GRIA2: variants seen among roughly 807,000 people sequenced by gnomAD.
GRIA2 encodes glutamate receptor 2.
A neutral mutation model predicts 97.3 loss-of-function variants in GRIA2; 14 were observed. The observed-to-expected ratio is 0.14, with a 90% CI of 0.10 to 0.23. GRIA2 has a LOEUF of 0.23. Among genes scored for constraint, GRIA2 ranks in the 10% least tolerant of loss-of-function variants. The pLI is 1.00. For synonymous variants in GRIA2, 412 were observed against 387.8 expected, an observed-to-expected ratio of 1.06 and a Z score of -0.73; for missense variants, 558 against 1,069.8, an observed-to-expected ratio of 0.52 and a Z score of 6.67.
At chr4:157,302,541 A>C (rs1030961732) in intron 2 of GRIA2, among the ~76,000 whole-genome samples, 1 of 152,074 alleles carries the variant, frequency 6.6e-6, no homozygotes, top group African/African-American at 2.4e-5. Context: ...ATATTATTCT[A>C]TGTGTCAATC....
chr4:157,276,123 G>T (rs1445038429), intron 2 of GRIA2, among the ~76,000 whole-genome samples: 1 of 152,006 alleles, frequency 6.6e-6, no homozygotes, highest in Non-Finnish European at 1.5e-5. Flanking sequence ...TCTCTTTGAA[G>T]CAATTGTAAA....
chr4:157,271,248 C>T (rs373522055), intron 2 of GRIA2, among the ~76,000 whole-genome samples: 2 of 151,950 alleles, frequency 1.3e-5, no homozygotes, highest in African/African-American at 4.8e-5. Context: ...TAGGTGTCCT[C>T]CAATTTAATT....
intron 2 of GRIA2, among the ~76,000 whole-genome samples, chr4:157,259,460 A>G (rs1731428498): frequency 6.6e-6 from 1 of 152,104 alleles, no homozygotes; most frequent in African/African-American, 2.4e-5. Flanking sequence ...TATCCAGGCA[A>G]TTCAAGCTCC....
At chr4:157,300,659 G>A (rs557220315) in intron 2 of GRIA2, among the ~76,000 whole-genome samples, 6 of 152,284 alleles carry the variant, frequency 3.9e-5, no homozygotes, top group Non-Finnish European at 7.4e-5. Context: ...AGGATAAGAA[G>A]AGAGGGTTGA....
At chr4:157,272,150 G>A (rs1321437796) in intron 2 of GRIA2, among the ~76,000 whole-genome samples, 1 of 151,970 alleles carries the variant, frequency 6.6e-6, no homozygotes, top group Non-Finnish European at 1.5e-5. Context: ...ACCCTATGAA[G>A]TAGGTAATGT....
chr4:157,332,873 A>C lies in GRIA2; in HGVS notation c.937A>C (p.Asn313His). Residue 313 changes from asparagine (N) to histidine (H), a missense_variant, in exon 7 of 16, where the codon AAC (asparagine) becomes CAC (histidine). Coordinates refer to ENST00000264426, the MANE Select transcript of GRIA2 (RefSeq NM_001083619.3). Reference sequence around the variant, plus strand: ...TCAAGTGATGACTGAAGCCTTCCGCAACCTAAGGAAGCAAAGAATTGAAAT... The same window carrying C: ...TCAAGTGATGACTGAAGCCTTCCGCCACCTAAGGAAGCAAAGAATTGAAAT... ...AVQVMTEAFR[N>H]LRKQRIEISR... The C allele has an allele frequency of 6.2e-7, 1 of 1,612,640 alleles. No homozygotes were observed.
intron 3 of GRIA2, among the ~76,000 whole-genome samples, chr4:157,307,332 T>TAG (rs1359985475): frequency 2.0e-5 from 3 of 152,150 alleles, no homozygotes; most frequent in African/African-American, 2.4e-5. Flanking sequence ...TTTAAACAAT[T>TAG]AGAGACATGG....
At chr4:157,350,627 C>T (rs1488843226) in intron 12 of GRIA2, among the ~76,000 whole-genome samples, 1 of 151,296 alleles carries the variant, frequency 6.6e-6, no homozygotes, top group Non-Finnish European at 1.5e-5. Context: ...TACAATCACA[C>T]CATTGTCTAT....
intron 2 of GRIA2, among the ~76,000 whole-genome samples, chr4:157,273,404 G>C (rs1423917824): frequency 6.6e-6 from 1 of 151,996 alleles, no homozygotes; most frequent in Admixed American, 6.6e-5. Context: ...ACCAGAGTCA[G>C]ATATGGAAAG....
rs1736783081 is a variant in GRIA2, at chr4:157,364,350, G to T, written c.*919G>T. 6.6e-6 allele frequency: 1 copy of T among 152,328 alleles called. No individual in the cohort carries two copies. The highest frequency in any genetic ancestry group is 1.5e-5 in the Non-Finnish European group (1 of 67,922). 9.4% of individuals were successfully genotyped at this position (152,328 alleles called of 1,614,324 possible). ...TGGTCATAAATCAAGTGAGTTTAAAGACACTACCAAGTTGTTAGGTGCCCA... is the reference window on the plus strand; with the variant it reads ...TGGTCATAAATCAAGTGAGTTTAAATACACTACCAAGTTGTTAGGTGCCCA... On this transcript the variant is annotated 3_prime_UTR_variant, in exon 16 of 16. Coordinates refer to ENST00000264426, the MANE Select transcript of GRIA2 (RefSeq NM_001083619.3).
At chr4:157,242,698 G>T (rs1198421133) in intron 2 of GRIA2, among the ~76,000 whole-genome samples, 1 of 152,064 alleles carries the variant, frequency 6.6e-6, no homozygotes, top group Non-Finnish European at 1.5e-5. Context: ...AGGGGAAATT[G>T]AATTAGGTTC....
At chr4:157,313,947 A>T (rs935616835) in intron 4 of GRIA2, among the ~76,000 whole-genome samples, 1 of 152,184 alleles carries the variant, frequency 6.6e-6, no homozygotes, top group South Asian at 2.1e-4. Flanking sequence ...TGTTATTTAG[A>T]AAATCATAAG....
At chr4:157,301,770 T>A (rs1264582817) in intron 2 of GRIA2, among the ~76,000 whole-genome samples, 1 of 152,140 alleles carries the variant, frequency 6.6e-6, no homozygotes, top group East Asian at 1.9e-4. Flanking sequence ...TTTAAAAGGA[T>A]GGTAGATGTT....
chr4:157,318,101 T>A (rs1734406287), intron 5 of GRIA2, among the ~76,000 whole-genome samples: 1 of 152,132 alleles, frequency 6.6e-6, no homozygotes, highest in Non-Finnish European at 1.5e-5. Context: ...ATAAATGATA[T>A]AAGAATTTAT....
At chr4:157,327,474 A>G (rs532188783) in intron 6 of GRIA2, among the ~76,000 whole-genome samples, 111 of 152,132 alleles carry the variant, frequency 7.3e-4, no homozygotes, top group Non-Finnish European at 1.3e-3. Flanking sequence ...GAATATTAAA[A>G]CAGTCATTTT....
chr4:157,220,664 GT>G, upstream of GRIA2: 2 of 262,072 alleles, frequency 7.6e-6, no homozygotes, highest in Non-Finnish European at 1.5e-5. Flanking sequence ...GTGTGTGTGT[GT>G]GTGTGTGTGC....
chr4:157,234,541 A>T (rs1730159957), intron 2 of GRIA2, among the ~76,000 whole-genome samples: 1 of 152,148 alleles, frequency 6.6e-6, no homozygotes, highest in Admixed American at 6.6e-5. Context: ...ATGATGGTTA[A>T]CATTTAGTGT....
intron 3 of GRIA2, among the ~76,000 whole-genome samples, chr4:157,304,776 C>T (rs1733765798): frequency 2.6e-5 from 4 of 152,094 alleles, no homozygotes; most frequent in Admixed American, 2.6e-4. Context: ...CTTGTTAACC[C>T]ACAAGGGCAG....
intron 11 of GRIA2, among the ~76,000 whole-genome samples, chr4:157,339,046 A>T (rs1418364916): frequency 1.3e-5 from 2 of 151,912 alleles, no homozygotes; most frequent in African/African-American, 4.8e-5. Context: ...TGTAATCTAG[A>T]GTTATTTATT....
Sources: gnomAD v4.1 joint callset for allele counts (sites outside exome capture counted in the v4.1 genomes callset) on GRCh38, gnomAD v4.1.1 for gene constraint, MANE v1.5 for transcripts, NCBI Gene and HGNC (gene_info 2026-07-23, HGNC 2026-07-21) for gene names.